The following GRIA4 variants were observed in gnomAD, a reference collection of about 807,000 sequenced individuals.
The protein encoded by GRIA4 is glutamate ionotropic receptor AMPA type subunit 4.
In GRIA4, 34 loss-of-function variants were observed where a neutral mutation model predicts 104.0. That is an observed-to-expected ratio of 0.33 (90% CI 0.25 to 0.44). The LOEUF is 0.44. GRIA4 is among the 20% of genes least tolerant of loss of function. GRIA4 has a pLI of 1.00. For synonymous variants in GRIA4, 386 were observed against 381.9 expected, an observed-to-expected ratio of 1.01 and a Z score of -0.13; for missense variants, 750 against 1,096.5, an observed-to-expected ratio of 0.68 and a Z score of 4.46.
chr11:105,915,049 G>T (rs1159026001), intron 10 of GRIA4, among the ~76,000 whole-genome samples: 1 of 152,160 alleles, frequency 6.6e-6, no homozygotes, highest in Admixed American at 6.5e-5. Context: ...CGAATGTTGA[G>T]TATTTGCTAC....
intron 15 of GRIA4, 33 bp from the exon 16 acceptor site, chr11:105,974,277 C>T (rs1267457405): frequency 6.3e-7 from 1 of 1,596,634 alleles, no homozygotes; most frequent in Admixed American, 1.7e-5. Context: ...GTGACATTTC[C>T]ACAGTTAACT....
Position 105,782,843 on chromosome 11 carries a change from T to A in GRIA4, c.487+29623T>A, listed in dbSNP as rs940011837. Among the ~76,000 whole-genome samples the A allele has an allele frequency of 4.3e-4, 66 of 152,212 alleles. 1 individual carries two copies. The highest frequency in any genetic ancestry group is 7.9e-4 in the Non-Finnish European group (54 of 68,032). Reference sequence around the variant, plus strand: ...CAAGGGCTTTGGGCTCAAATAGACCTGGCTCAGGTTTGAGGTCTCGCTTCA... The same window carrying A: ...CAAGGGCTTTGGGCTCAAATAGACCAGGCTCAGGTTTGAGGTCTCGCTTCA... On this transcript the variant is annotated intron_variant, in intron 4 of 16. Transcript: ENST00000282499.
intron 14 of GRIA4, among the ~76,000 whole-genome samples, chr11:105,966,433 C>G (rs1240966024): frequency 6.6e-6 from 1 of 152,092 alleles, no homozygotes; most frequent in East Asian, 1.9e-4. Context: ...TTCACCATTA[C>G]TTTACCAGAA....
chr11:105,762,002 C>A (rs900690071), intron 4 of GRIA4, among the ~76,000 whole-genome samples: 1 of 151,638 alleles, frequency 6.6e-6, no homozygotes, highest in South Asian at 2.1e-4. Context: ...ACACAACCCC[C>A]GAAGAATCTT....
At chr11:105,655,052 C>T (rs911747576) in intron 3 of GRIA4, among the ~76,000 whole-genome samples, 1 of 152,064 alleles carries the variant, frequency 6.6e-6, no homozygotes, top group African/African-American at 2.4e-5. Context: ...TTGTAGAGAC[C>T]CTTTTCTTAA....
intron 4 of GRIA4, among the ~76,000 whole-genome samples, chr11:105,782,615 C>T (rs1247054515): frequency 2.6e-5 from 4 of 152,156 alleles, no homozygotes; most frequent in Non-Finnish European, 5.9e-5. Context: ...TCTCTGGGGT[C>T]TGTGATTTCT....
chr11:105,686,062 A>C (rs1006286573), intron 3 of GRIA4, among the ~76,000 whole-genome samples: 9 of 152,110 alleles, frequency 5.9e-5, no homozygotes, highest in African/African-American at 2.2e-4. Context: ...ATGGCAAAAG[A>C]GTTTCTTTTT....
intron 6 of GRIA4, among the ~76,000 whole-genome samples, chr11:105,891,571 C>T (rs1020406809): frequency 1.3e-5 from 2 of 152,126 alleles, no homozygotes; most frequent in African/African-American, 2.4e-5. Flanking sequence ...CTGCTTTCCT[C>T]TTCCCAGTTT....
Position 105,878,475 on chromosome 11 carries a change from A to G in GRIA4, c.673-9044A>G, listed in dbSNP as rs547937375. 2.6e-4 allele frequency among the ~76,000 whole-genome samples: 39 copies of G among 152,318 alleles called. 1 individual carries two copies. Among genetic ancestry groups the G allele is most frequent in the African/African-American group, 9.4e-4 (39 of 41,592 alleles). ...GAGATCCACTGCTCTCTTCAGAGCCAGCAGGCAGGAATGTTTAATTCTGCT... is the reference window on the plus strand; with the variant it reads ...GAGATCCACTGCTCTCTTCAGAGCCGGCAGGCAGGAATGTTTAATTCTGCT... On this transcript the variant is annotated intron_variant, in intron 5 of 16. Coordinates refer to ENST00000282499, the MANE Select transcript of GRIA4 (RefSeq NM_000829.4).
chr11:105,813,822 A>C (rs187825513), intron 4 of GRIA4, among the ~76,000 whole-genome samples: 1 of 152,140 alleles, frequency 6.6e-6, no homozygotes, highest in East Asian at 1.9e-4. Context: ...CAAGATAGAC[A>C]ATGACAGATC....
intron 14 of GRIA4, among the ~76,000 whole-genome samples, chr11:105,963,799 T>G (rs1210361194): frequency 6.6e-6 from 1 of 152,170 alleles, no homozygotes. Flanking sequence ...TTATTTTGCT[T>G]TTTAGTTTTC....
rs187059823 is a variant in GRIA4, at chr11:105,955,642, T to C, written c.2295-16272T>C. Among the ~76,000 whole-genome samples, 62 of 152,304 alleles carry C rather than the reference T, an allele frequency of 4.1e-4. 2 individuals are homozygous for C. In the East Asian group the frequency reaches 0.01, roughly 25 times the overall value. ...ATTCCTTTGGGTATATACCCAGTAA[T>C]GGGATTGCTGGGTCATGGTATTTCT... On this transcript the variant is annotated intron_variant, in intron 14 of 16. Coordinates refer to ENST00000282499, the MANE Select transcript of GRIA4 (RefSeq NM_000829.4).
chr11:105,897,986 T>C (rs1393351718), intron 6 of GRIA4, among the ~76,000 whole-genome samples: 1 of 152,156 alleles, frequency 6.6e-6, no homozygotes, highest in Non-Finnish European at 1.5e-5. Flanking sequence ...TGTATCCCCC[T>C]TTATACTTCA....
intron 13 of GRIA4, among the ~76,000 whole-genome samples, chr11:105,929,443 A>C (rs528557802): frequency 6.6e-6 from 1 of 152,224 alleles, no homozygotes; most frequent in African/African-American, 2.4e-5. Flanking sequence ...TATATACTTC[A>C]TGTTTTATGT....
intron 4 of GRIA4, among the ~76,000 whole-genome samples, chr11:105,830,110 G>A (rs1388876393): frequency 1.3e-5 from 2 of 151,970 alleles, no homozygotes; most frequent in Non-Finnish European, 2.9e-5. Flanking sequence ...TAACATCAAA[G>A]ATCTTCCAGT....
intron 4 of GRIA4, among the ~76,000 whole-genome samples, chr11:105,843,723 T>C (rs1167379270): frequency 4.6e-5 from 7 of 152,152 alleles, no homozygotes; most frequent in African/African-American, 1.7e-4. Context: ...TGAAATAAAA[T>C]GGAAGTGCTG....
At chr11:105,923,603 G>A (rs764089852) in intron 11 of GRIA4, among the ~76,000 whole-genome samples, 25 of 152,104 alleles carry the variant, frequency 1.6e-4, no homozygotes, top group Non-Finnish European at 3.5e-4. Flanking sequence ...ACGTTATGAG[G>A]TAAACAGGGA....
chr11:105,923,325 T>C (rs1267652673), intron 11 of GRIA4, among the ~76,000 whole-genome samples: 1 of 152,188 alleles, frequency 6.6e-6, no homozygotes, highest in African/African-American at 2.4e-5. Context: ...ATTGACACTC[T>C]ACACCTTATT....
Position 105,910,504 on chromosome 11 carries a change from G to A in GRIA4, c.1228G>A (p.Ala410Thr). 6.3e-7 allele frequency: 1 copy of A among 1,596,006 alleles called. No individual in the cohort carries two copies. The highest frequency in any genetic ancestry group is 8.6e-7 in the Non-Finnish European group (1 of 1,163,634). The change falls in exon 10 of 17, where the codon GCT (alanine) becomes ACT (threonine). Residue 410 changes from alanine to threonine, a missense_variant. Physicochemically the swap from Ala to Thr is moderately conservative, Grantham distance 58. Around this residue, in one of 3 missense-constraint regions of GRIA4, gnomAD observed 410 missense variants for 502.7 expected, o/e 0.82. Coordinates refer to ENST00000282499, the MANE Select transcript of GRIA4 (RefSeq NM_000829.4). ...QDVPTLGNDT[A>T]AIENRTVVVT... ...TGTACCAACTCTTGGCAATGACACAGCTGCTATTGAGAACAGAACAGTGGT... is the reference window on the plus strand; with the variant it reads ...TGTACCAACTCTTGGCAATGACACAACTGCTATTGAGAACAGAACAGTGGT...
Sources: gnomAD v4.1 joint callset for allele counts (sites outside exome capture counted in the v4.1 genomes callset) on GRCh38, gnomAD v4.1.1 for gene constraint, gnomAD v4.1.1 regional missense constraint, MANE v1.5 for transcripts, NCBI Gene and HGNC (gene_info 2026-07-23, HGNC 2026-07-21) for gene names.